CDK14: variants seen among roughly 807,000 people sequenced by gnomAD.
CDK14 encodes the protein cyclin-dependent kinase 14.
Under a neutral mutation model 60.7 loss-of-function variants are expected in CDK14, and 34 were observed. The observed-to-expected ratio is 0.56, with a 90% confidence interval of 0.43 to 0.75. CDK14 has a LOEUF of 0.75. CDK14 is among the 30% of genes least tolerant of loss of function. The pLI is 0.00. For missense variants in CDK14, 482 were observed against 564.1 expected (o/e 0.85, Z 1.47); for synonymous variants, 197 against 203.7 (o/e 0.97, Z 0.28).
intron 2 of CDK14, among the ~76,000 whole-genome samples, chr7:90,683,336 G>A (rs907916574): frequency 6.6e-6 from 1 of 152,074 alleles, no homozygotes. Flanking sequence ...ATCTGAATGG[G>A]CAAATAGGAA....
At chr7:90,743,876 T>A (rs1803454857) in intron 3 of CDK14, among the ~76,000 whole-genome samples, 1 of 152,190 alleles carries the variant, frequency 6.6e-6, no homozygotes, top group East Asian at 1.9e-4. Context: ...TTTTAATCTC[T>A]TCTTAATAGC....
At chr7:91,007,182 G>C (rs756770670) in intron 10 of CDK14, among the ~76,000 whole-genome samples, 19 of 152,158 alleles carry the variant, frequency 1.2e-4, no homozygotes, top group Non-Finnish European at 2.2e-4. Flanking sequence ...TCCCACCTTA[G>C]TGCCAGTGTT....
chr7:90,705,017 A>G (rs1801867114), intron 2 of CDK14, among the ~76,000 whole-genome samples: 1 of 152,092 alleles, frequency 6.6e-6, no homozygotes, highest in Non-Finnish European at 1.5e-5. Flanking sequence ...AAAATAGATT[A>G]CTAATATATT....
intron 12 of CDK14, among the ~76,000 whole-genome samples, chr7:91,086,820 T>G (rs1227506010): frequency 6.6e-6 from 1 of 152,240 alleles, no homozygotes; most frequent in African/African-American, 2.4e-5. Flanking sequence ...TTCCTCAAAT[T>G]TATTGATATC....
chr7:91,072,644 C>T (rs1169241761), intron 11 of CDK14, among the ~76,000 whole-genome samples: 1 of 152,062 alleles, frequency 6.6e-6, no homozygotes, highest in Non-Finnish European at 1.5e-5. Context: ...AACAGCTCTC[C>T]AGCAATGGCG....
At chr7:91,113,657 A>T (rs891603186) in intron 13 of CDK14, among the ~76,000 whole-genome samples, 33 of 152,174 alleles carry the variant, frequency 2.2e-4, no homozygotes, top group African/African-American at 8.0e-4. Flanking sequence ...AATCCTTGGT[A>T]TACATCACTT....
chr7:90,688,766 G>A (rs911826654), intron 2 of CDK14, among the ~76,000 whole-genome samples: 2 of 152,150 alleles, frequency 1.3e-5, no homozygotes, highest in Admixed American at 6.6e-5. Flanking sequence ...ATCTCCACTG[G>A]TGTAGTCAGT....
chr7:90,625,920 G>A (rs1342437050), intron 2 of CDK14, among the ~76,000 whole-genome samples: 1 of 152,216 alleles, frequency 6.6e-6, no homozygotes, highest in Non-Finnish European at 1.5e-5. Context: ...CACTGTGTGT[G>A]GAGGTCTTGC....
intron 5 of CDK14, among the ~76,000 whole-genome samples, chr7:90,803,195 A>G (rs1049399093): frequency 1.3e-5 from 2 of 151,666 alleles, no homozygotes; most frequent in East Asian, 1.9e-4. Flanking sequence ...AGGATTATTT[A>G]ATCTCCTGCC....
At chr7:91,081,221 A>G (rs1421990318) in intron 12 of CDK14, among the ~76,000 whole-genome samples, 2 of 152,206 alleles carry the variant, frequency 1.3e-5, no homozygotes, top group Admixed American at 1.3e-4. Context: ...CGTTAATTAT[A>G]TTATTGATTC....
At chr7:90,623,023 T>G (rs1163386970) in intron 2 of CDK14, among the ~76,000 whole-genome samples, 1 of 150,990 alleles carries the variant, frequency 6.6e-6, no homozygotes, top group Non-Finnish European at 1.5e-5. Context: ...ATTCATAGTT[T>G]CCATTATTAA....
At chr7:91,096,065 CAAAAAAAAA>C (rs112016367) in intron 12 of CDK14, among the ~76,000 whole-genome samples, 9 of 64,552 alleles carry the variant, frequency 1.4e-4, no homozygotes, top group African/African-American at 3.2e-4. Flanking sequence ...CACAATTTGC[CAAAAAAAAA>C]AAAAAAAAAA....
chr7:90,953,959 G>A (rs1033048220), intron 8 of CDK14, among the ~76,000 whole-genome samples: 1 of 152,134 alleles, frequency 6.6e-6, no homozygotes, highest in African/African-American at 2.4e-5. Context: ...AAACCTTGCA[G>A]AGGAAAGAAG....
intron 1 of CDK14, among the ~76,000 whole-genome samples, chr7:90,598,773 C>T (rs1056685415): frequency 1.5e-4 from 18 of 119,984 alleles, no homozygotes; most frequent in African/African-American, 4.5e-4. Flanking sequence ...GGCGGGATCT[C>T]GGCTCACTGC....
chr7:91,039,427 A>G (rs925977295), intron 10 of CDK14, among the ~76,000 whole-genome samples: 3 of 152,258 alleles, frequency 2.0e-5, no homozygotes, highest in Admixed American at 2.0e-4. Context: ...AACAACATGT[A>G]TATAGTATAA....
chr7:90,984,217 G>A lies in CDK14; in HGVS notation c.1017G>A (p.Gln339=), dbSNP rs767018307. The A allele has an allele frequency of 3.7e-6, 6 of 1,611,964 alleles. No individual in the cohort carries two copies. The highest frequency in any genetic ancestry group is 3.3e-5 in the Admixed American group (2 of 60,016). Residue 339 remains glutamine (Q), a synonymous_variant, in exon 10 of 15, where the codon CAG becomes CAA. Transcript: ENST00000380050. The part of the protein sequence containing the change: ...VAAFPGMKDI[Q]DQLERIFLVL... ...CTTTTCCAGGAATGAAAGACATTCA[G>A]GATCAACTTGAACGAATATTTCTGG...
intron 14 of CDK14, among the ~76,000 whole-genome samples, chr7:91,154,829 C>T (rs1462088965): frequency 2.0e-5 from 3 of 152,096 alleles, no homozygotes; most frequent in Non-Finnish European, 4.4e-5. Context: ...AAGAAAGATA[C>T]AGAGAGAAAT....
chr7:90,694,643 A>C (rs185144691), intron 2 of CDK14, among the ~76,000 whole-genome samples: 2 of 152,358 alleles, frequency 1.3e-5, no homozygotes, highest in South Asian at 4.1e-4. Flanking sequence ...TTACCATTCA[A>C]TGTAGTATTA....
intron 8 of CDK14, among the ~76,000 whole-genome samples, chr7:90,936,890 G>A (rs1228168797): frequency 6.6e-6 from 1 of 152,018 alleles, no homozygotes; most frequent in African/African-American, 2.4e-5. Context: ...ACTAACCTGG[G>A]TAATGTAGTG....
Sources: gnomAD v4.1 joint callset for allele counts (sites outside exome capture counted in the v4.1 genomes callset) on GRCh38, gnomAD v4.1.1 for gene constraint, MANE v1.5 for transcripts, NCBI Gene and HGNC (gene_info 2026-07-23, HGNC 2026-07-21) for gene names.